The following TRAPPC9 variants were observed in gnomAD, a reference collection of about 807,000 sequenced individuals.
TRAPPC9 encodes the protein IKK2 binding protein.
TRAPPC9 carries 83 observed loss-of-function variants against 124.0 expected under a neutral mutation model. The observed-to-expected ratio is 0.67, with a 90% CI of 0.56 to 0.80. The LOEUF is 0.80. TRAPPC9 is among the 30% of genes least tolerant of loss of function. The pLI, the probability that TRAPPC9 is intolerant of heterozygous loss-of-function variation, is 0.00. For synonymous variants in TRAPPC9, 638 were observed against 617.5 expected (o/e 1.03, Z -0.49); for missense variants, 1,302 against 1,508.3 (o/e 0.86, Z 2.27).
At chr8:140,108,519 C>G (rs1011170860) in intron 17 of TRAPPC9, among the ~76,000 whole-genome samples, 10 of 152,258 alleles carry the variant, frequency 6.6e-5, no homozygotes, top group African/African-American at 2.4e-4. Context: ...CCCGCTCGCC[C>G]CCCTTGCCCA....
rs369898105 is a variant in TRAPPC9, at chr8:139,858,797, A to G, written c.3055+27082T>C. Among the ~76,000 whole-genome samples the G allele has an allele frequency of 5.9e-5, 9 of 151,352 alleles. No individual in the cohort carries two copies. In the South Asian group the frequency reaches 6.3e-4, roughly 11 times the overall value. On this transcript the variant is annotated intron_variant, in intron 21 of 22. Transcript: ENST00000438773. The stretch of plus-strand genomic sequence containing the variant: ...TTTGCCGAGGCCAGAGCCGACAAGT[A>G]GCCACTGCGACCGGGACTGTGAATC...
chr8:140,133,274 T>G (rs189079702), intron 17 of TRAPPC9, among the ~76,000 whole-genome samples: 35 of 152,354 alleles, frequency 2.3e-4, no homozygotes, highest in Non-Finnish European at 4.1e-4. Flanking sequence ...AAAATCAATG[T>G]GATGTACCAT....
At chr8:140,395,176 G>A (rs1392575134) in intron 7 of TRAPPC9, among the ~76,000 whole-genome samples, 2 of 152,150 alleles carry the variant, frequency 1.3e-5, no homozygotes, top group African/African-American at 2.4e-5. Context: ...CTGCCCCAGC[G>A]GTGGTGCTGT....
chr8:140,116,692 G>A (rs572532944), intron 17 of TRAPPC9, among the ~76,000 whole-genome samples: 17 of 152,256 alleles, frequency 1.1e-4, no homozygotes, highest in Admixed American at 5.9e-4. Context: ...AACCCCAGGC[G>A]CTGCCCACGT....
intron 20 of TRAPPC9, among the ~76,000 whole-genome samples, chr8:139,893,048 C>T (rs550141165): frequency 6.6e-6 from 1 of 152,174 alleles, no homozygotes; most frequent in Non-Finnish European, 1.5e-5. Flanking sequence ...CTTACTGATG[C>T]TACAGGCCCT....
At chr8:140,247,079 T>A (rs2064006181) in intron 16 of TRAPPC9, among the ~76,000 whole-genome samples, 1 of 152,220 alleles carries the variant, frequency 6.6e-6, no homozygotes, top group African/African-American at 2.4e-5. Flanking sequence ...TACCATGACA[T>A]ACTATCTTCT....
chr8:140,013,169 G>GT (rs1258896004), intron 18 of TRAPPC9, among the ~76,000 whole-genome samples: 1 of 152,146 alleles, frequency 6.6e-6, no homozygotes, highest in East Asian at 1.9e-4. Flanking sequence ...TGCTCGGCAG[G>GT]TAAGGGCCAG....
intron 21 of TRAPPC9, among the ~76,000 whole-genome samples, chr8:139,823,390 G>A (rs1825389401): frequency 6.6e-6 from 1 of 152,012 alleles, no homozygotes; most frequent in South Asian, 2.1e-4. Flanking sequence ...CCCGAATGCA[G>A]AGTGGGTTCA....
rs1003850532 is a variant in TRAPPC9, at chr8:140,426,994, C to T, written c.860-353G>A. ...AGGCTGGAGTGCAGTGGCGTGATCTCAGCTCACTTCATCCTCTGCCTCCCA... is the reference window on the plus strand; with the variant it reads ...AGGCTGGAGTGCAGTGGCGTGATCTTAGCTCACTTCATCCTCTGCCTCCCA... On this transcript the variant is annotated intron_variant, in intron 4 of 22. Transcript: ENST00000438773. 2.0e-5 allele frequency among the ~76,000 whole-genome samples: 3 copies of T among 151,474 alleles called. No individual in the cohort carries two copies. The East Asian group carries it at 5.8e-4, about 29-fold the overall frequency.
chr8:140,173,250 C>G (rs1014545420), intron 17 of TRAPPC9, among the ~76,000 whole-genome samples: 11 of 152,160 alleles, frequency 7.2e-5, no homozygotes, highest in Non-Finnish European at 1.3e-4. Flanking sequence ...AACTAGAACC[C>G]TTGGATTAAA....
chr8:140,114,265 C>T (rs901479304), intron 17 of TRAPPC9, among the ~76,000 whole-genome samples: 12 of 142,860 alleles, frequency 8.4e-5, no homozygotes, highest in African/African-American at 2.6e-4. Flanking sequence ...ATATATCCAG[C>T]GAGTCAGTCA....
At chr8:140,184,783 A>G (rs1331221931) in intron 17 of TRAPPC9, among the ~76,000 whole-genome samples, 1 of 152,156 alleles carries the variant, frequency 6.6e-6, no homozygotes, top group Non-Finnish European at 1.5e-5. Flanking sequence ...AATCACACAA[A>G]ATATGAATAA....
intron 19 of TRAPPC9, among the ~76,000 whole-genome samples, chr8:139,962,906 A>T (rs1222866719): frequency 4.1e-5 from 3 of 73,788 alleles, no homozygotes; most frequent in Admixed American, 1.6e-4. Flanking sequence ...GGGCCTCAGG[A>T]AGCCGGAGGA....
At chr8:140,150,455 A>C (rs1264455175) in intron 17 of TRAPPC9, among the ~76,000 whole-genome samples, 1 of 152,230 alleles carries the variant, frequency 6.6e-6, no homozygotes, top group Non-Finnish European at 1.5e-5. Flanking sequence ...GTCTCAAAAA[A>C]ACAAAATTAT....
chr8:140,111,011 T>C (rs1450372568), intron 17 of TRAPPC9, among the ~76,000 whole-genome samples: 1 of 139,278 alleles, frequency 7.2e-6, no homozygotes, highest in Non-Finnish European at 1.5e-5. Context: ...CTTCCTCTTG[T>C]CCTTCTACCT....
chr8:139,771,574 A>G (rs1820964401), intron 21 of TRAPPC9, among the ~76,000 whole-genome samples: 1 of 152,216 alleles, frequency 6.6e-6, no homozygotes, highest in Admixed American at 6.5e-5. Flanking sequence ...TGGCCAGGTC[A>G]TGGAAGCGTA....
chr8:140,357,889 T>C (rs1209281544), intron 9 of TRAPPC9, among the ~76,000 whole-genome samples: 1 of 152,032 alleles, frequency 6.6e-6, no homozygotes, highest in Non-Finnish European at 1.5e-5. Flanking sequence ...AGCGACCCAA[T>C]ACACGCAGAA....
chr8:140,006,582 G>T (rs544212875), intron 18 of TRAPPC9, among the ~76,000 whole-genome samples: 2 of 152,148 alleles, frequency 1.3e-5, no homozygotes, highest in African/African-American at 4.8e-5. Context: ...CACAATAGCA[G>T]AAAAGTGCAA....
At chr8:140,400,228 G>C (rs2069220986) in intron 6 of TRAPPC9, among the ~76,000 whole-genome samples, 2 of 152,232 alleles carry the variant, frequency 1.3e-5, no homozygotes. Context: ...ACCAAAGCCA[G>C]AGAATTTGTT....
Sources: allele counts gnomAD v4.1 joint callset (sites outside exome capture counted in the v4.1 genomes callset), GRCh38; gene constraint gnomAD v4.1.1; transcripts MANE v1.5; gene names NCBI Gene and HGNC (gene_info 2026-07-23, HGNC 2026-07-21).